MCM9: variants seen among roughly 807,000 people sequenced by gnomAD.
The protein encoded by MCM9 is minichromosome maintenance 9 homologous recombination repair factor, also known as DNA helicase MCM9.
Under a neutral mutation model 72.8 loss-of-function variants are expected in MCM9, and 55 were observed. The observed-to-expected ratio is 0.76, with a 90% confidence interval of 0.61 to 0.95. The LOEUF (loss-of-function observed/expected upper bound fraction) is 0.95, where lower values mean the gene tolerates loss of function less well. Ranked by LOEUF, MCM9 falls within the 40% of genes least tolerant of loss-of-function variation. The pLI, the probability that MCM9 is intolerant of heterozygous loss-of-function variation, is 0.00. For missense variants in MCM9, 1,279 were observed against 1,377.0 expected, an observed-to-expected ratio of 0.93 and a Z score of 1.13; for synonymous variants, 480 against 503.4, an observed-to-expected ratio of 0.95 and a Z score of 0.62.
At position 118,913,948 on chromosome 6, in the gene MCM9, A is replaced by G. The variant is rs114053131; in HGVS notation, c.905-528T>C. Among the ~76,000 whole-genome samples, 277 of 152,248 alleles carry G rather than the reference A, an allele frequency of 1.8e-3. 1 individual carries two copies. The highest frequency in any genetic ancestry group is 0.01 in the Middle Eastern group (3 of 294). On this transcript the variant is annotated intron_variant, in intron 6 of 13. Coordinates refer to ENST00000619706, the MANE Select transcript of MCM9 (RefSeq NM_017696.3). ...GTGACAATTTCAGTAAAATTACTCC[A>G]CTGCCTAAATAAAAGGAAGGTATTC...
At chr6:118,857,626 C>CAAAAAAAAAAAAAA in intron 8 of MCM9, among the ~76,000 whole-genome samples, 1 of 70,962 alleles carries the variant, frequency 1.4e-5, no homozygotes, top group Admixed American at 1.5e-4. Context: ...CCAGACTGAC[C>CAAAAAAAAAAAAAA]AAAAAAAAAA....
chr6:118,829,554 C>T (rs1284320311), intron 9 of MCM9, among the ~76,000 whole-genome samples: 1 of 152,168 alleles, frequency 6.6e-6, no homozygotes, highest in African/African-American at 2.4e-5. Context: ...AAGGGGCTTG[C>T]AATCTACTAG....
intron 8 of MCM9, among the ~76,000 whole-genome samples, chr6:118,888,220 C>T (rs1165123406): frequency 6.6e-6 from 1 of 152,178 alleles, no homozygotes; most frequent in Non-Finnish European, 1.5e-5. Flanking sequence ...GGCATGGTGG[C>T]TCATGCCTGT....
chr6:118,826,726 T>TA (rs971111334), intron 12 of MCM9, 56 bp downstream of exon 12: 66 of 1,344,300 alleles, frequency 4.9e-5, no homozygotes, highest in South Asian at 6.8e-5. Context: ...TGTCCTTTTT[T>TA]AAAAAAAAGA....
intron 9 of MCM9, among the ~76,000 whole-genome samples, chr6:118,847,975 C>T (rs1202525284): frequency 6.6e-6 from 1 of 151,764 alleles, no homozygotes; most frequent in Non-Finnish European, 1.5e-5. Context: ...TTTCAAGTGT[C>T]AATGCTATGA....
intron 8 of MCM9, chr6:118,907,418 T>C: frequency 6.2e-7 from 1 of 1,601,584 alleles, no homozygotes; most frequent in Non-Finnish European, 8.5e-7. Flanking sequence ...AGGAATATTT[T>C]GGCATCTAAT....
intron 9 of MCM9, among the ~76,000 whole-genome samples, chr6:118,831,817 T>G (rs1373619661): frequency 6.6e-6 from 1 of 152,156 alleles, no homozygotes. Context: ...ATTTTTAATA[T>G]CAAGCAAGCA....
intron 9 of MCM9, among the ~76,000 whole-genome samples, chr6:118,833,214 T>C (rs1332873389): frequency 2.0e-5 from 3 of 152,234 alleles, no homozygotes; most frequent in African/African-American, 7.2e-5. Context: ...GGCAAAGCAT[T>C]GCAGGCACGT....
chr6:118,874,081 C>G (rs1240732623), intron 8 of MCM9, among the ~76,000 whole-genome samples: 1 of 151,954 alleles, frequency 6.6e-6, no homozygotes, highest in East Asian at 1.9e-4. Context: ...ATGGTGAAAC[C>G]CCATCTCTAC....
At chr6:118,823,696 T>C (rs1290625606) in intron 13 of MCM9, among the ~76,000 whole-genome samples, 2 of 152,204 alleles carry the variant, frequency 1.3e-5, no homozygotes, top group African/African-American at 4.8e-5. Context: ...AAGTACAATA[T>C]GATCCCTCTT....
intron 1 of MCM9, among the ~76,000 whole-genome samples, chr6:118,933,271 A>G (rs533462595): frequency 1.4e-3 from 206 of 152,034 alleles, no homozygotes; most frequent in South Asian, 6.9e-3. Context: ...AGGCCGAGGC[A>G]GGTGGATCAC....
intron 8 of MCM9, among the ~76,000 whole-genome samples, chr6:118,886,634 T>G (rs1481816791): frequency 1.3e-5 from 2 of 152,162 alleles, no homozygotes; most frequent in Non-Finnish European, 2.9e-5. Flanking sequence ...GGAATAAATT[T>G]AATCAAGAAT....
intron 8 of MCM9, among the ~76,000 whole-genome samples, chr6:118,857,019 T>C (rs899663463): frequency 6.6e-6 from 1 of 152,260 alleles, no homozygotes; most frequent in Non-Finnish European, 1.5e-5. Context: ...ATCTAGTCAC[T>C]GGAAGGCCTC....
chr6:118,926,884 C>G lies in MCM9; in HGVS notation c.305-2757G>C, dbSNP rs12193634. 7.4e-3 allele frequency among the ~76,000 whole-genome samples: 1,128 copies of G among 152,180 alleles called. 6 individuals carry two copies. The highest frequency in any genetic ancestry group is 0.037 in the Middle Eastern group (11 of 294). ...TTTGCAAACAGTCACTAAGTACTCT[C>G]TATTGTACATATACAGAAGGATACT... On this transcript the variant is annotated intron_variant, in intron 3 of 13. Coordinates refer to ENST00000619706, the MANE Select transcript of MCM9 (RefSeq NM_017696.3).
intron 8 of MCM9, among the ~76,000 whole-genome samples, chr6:118,879,424 C>A (rs1156451318): frequency 2.0e-5 from 3 of 152,138 alleles, no homozygotes; most frequent in Non-Finnish European, 4.4e-5. Flanking sequence ...TGAATATGAT[C>A]TTAAAAATGC....
In MCM9 at chr6:118,815,743, G is replaced by C; in HGVS notation, c.2513C>G (p.Ser838Ter). ...EAAVSADKPD[S>*]VLTHHVPRNL... ...CCTGGGGACATGATGAGTCAGTACT[G>C]AGTCTGGTTTATCAGCAGAGACTGC... Residue 838 changes from serine to a stop codon, truncating the protein, a stop_gained, in exon 14 of 14, where the codon TCA (serine) becomes TGA (stop). Transcript: ENST00000619706. LOFTEE classifies it low-confidence loss of function (END_TRUNC). 1 of 1,543,954 alleles carries C rather than the reference G, an allele frequency of 6.5e-7. No homozygotes were observed.
chr6:118,898,638 G>A (rs1008974692), intron 8 of MCM9, among the ~76,000 whole-genome samples: 8 of 152,016 alleles, frequency 5.3e-5, no homozygotes, highest in African/African-American at 1.4e-4. Context: ...GGCTGGTCTC[G>A]AACTCCTGAC....
intron 5 of MCM9, 138 bp downstream of exon 5, chr6:118,921,867 C>A: frequency 1.6e-6 from 1 of 626,176 alleles, no homozygotes; most frequent in Non-Finnish European, 2.8e-6. Context: ...TCCCACCTGC[C>A]AGTTTCTAAT....
chr6:118,872,472 C>T (rs949198875), intron 8 of MCM9, among the ~76,000 whole-genome samples: 1 of 151,906 alleles, frequency 6.6e-6, no homozygotes, highest in African/African-American at 2.4e-5. Context: ...AAAAACATGA[C>T]TTGATGGCAC....
Sources: allele counts gnomAD v4.1 joint callset (sites outside exome capture counted in the v4.1 genomes callset), GRCh38; gene constraint gnomAD v4.1.1; transcripts MANE v1.5; gene names NCBI Gene and HGNC (gene_info 2026-07-23, HGNC 2026-07-21).